The following PCDH15 variants were observed in gnomAD, a reference collection of about 807,000 sequenced individuals.
PCDH15 encodes protocadherin-15.
In PCDH15, 129 loss-of-function variants were observed where a neutral mutation model predicts 178.5. That is an observed-to-expected ratio of 0.72 (90% confidence interval 0.63 to 0.84). The LOEUF is 0.84. Ranked by LOEUF, PCDH15 falls within the 40% of genes least tolerant of loss-of-function variation. The pLI, the probability that PCDH15 is intolerant of heterozygous loss-of-function variation, is 0.00. For missense variants in PCDH15, 2,230 were observed against 2,099.9 expected (o/e 1.06, Z -1.21); for synonymous variants, 800 against 732.0 (o/e 1.09, Z -1.50).
chr10:54,469,281 G>A (rs1181620663), intron 3 of PCDH15, among the ~76,000 whole-genome samples: 7 of 151,964 alleles, frequency 4.6e-5, no homozygotes, highest in Admixed American at 1.3e-4. Flanking sequence ...ATTTTTGATT[G>A]AGACCAGATT....
chr10:55,365,587 G>C (rs375113231), intron 2 of PCDH15, among the ~76,000 whole-genome samples: 3 of 152,038 alleles, frequency 2.0e-5, no homozygotes, highest in African/African-American at 7.2e-5. Flanking sequence ...GAACCCAGTG[G>C]GAGGTGATTG....
chr10:55,428,143 A>G (rs1040671009), intron 2 of PCDH15, among the ~76,000 whole-genome samples: 4 of 151,976 alleles, frequency 2.6e-5, no homozygotes, highest in African/African-American at 7.2e-5. Context: ...GAAGTGTTTG[A>G]CCTAATCAAT....
At chr10:54,175,812 A>G (rs1394878685) in intron 13 of PCDH15, among the ~76,000 whole-genome samples, 1 of 152,188 alleles carries the variant, frequency 6.6e-6, no homozygotes, top group East Asian at 1.9e-4. Context: ...AAATTAGGCT[A>G]TAAAAATAAT....
intron 8 of PCDH15, among the ~76,000 whole-genome samples, chr10:54,251,540 T>C (rs541969972): frequency 6.6e-6 from 1 of 152,334 alleles, no homozygotes; most frequent in Admixed American, 6.5e-5. Flanking sequence ...TACTATAAAA[T>C]CGTAGAGAGT....
At chr10:55,497,100 A>C (rs1368937466) in intron 2 of PCDH15, among the ~76,000 whole-genome samples, 1 of 151,776 alleles carries the variant, frequency 6.6e-6, no homozygotes, top group African/African-American at 2.4e-5. Flanking sequence ...AAATTAAAGG[A>C]GGTAATAAAA....
intron 25 of PCDH15, among the ~76,000 whole-genome samples, chr10:53,904,338 T>C (rs2082525650): frequency 6.6e-6 from 1 of 152,144 alleles, no homozygotes. Flanking sequence ...TTACCTGTGT[T>C]TAATGCCTCC....
chr10:54,174,582 G>A (rs2047233680), intron 13 of PCDH15, among the ~76,000 whole-genome samples: 1 of 151,848 alleles, frequency 6.6e-6, no homozygotes, highest in Admixed American at 6.6e-5. Flanking sequence ...GAAAAAATTG[G>A]TAGGAGGTGG....
At chr10:54,954,169 C>A (rs1481626495) in intron 2 of PCDH15, among the ~76,000 whole-genome samples, 2 of 151,258 alleles carry the variant, frequency 1.3e-5, no homozygotes, top group East Asian at 3.9e-4. Context: ...CATTGAAGCA[C>A]CACATTATCA....
intron 1 of PCDH15, among the ~76,000 whole-genome samples, chr10:55,296,354 G>A (rs911744228): frequency 2.0e-4 from 30 of 152,120 alleles, no homozygotes; most frequent in Middle Eastern, 3.2e-3. Context: ...TTCCAACCCT[G>A]TGATACCATG....
chr10:55,457,649 T>G (rs1434972322), intron 2 of PCDH15, among the ~76,000 whole-genome samples: 1 of 152,014 alleles, frequency 6.6e-6, no homozygotes, highest in Non-Finnish European at 1.5e-5. Flanking sequence ...TAGGATAGGG[T>G]GGATGACCTG....
At chr10:55,011,996 G>C (rs771121329) in intron 2 of PCDH15, among the ~76,000 whole-genome samples, 7 of 152,036 alleles carry the variant, frequency 4.6e-5, no homozygotes, top group Non-Finnish European at 1.0e-4. Flanking sequence ...AACAGGAAGA[G>C]CCAATTAAAA....
intron 1 of PCDH15, among the ~76,000 whole-genome samples, chr10:55,210,587 G>A (rs1840534203): frequency 2.1e-5 from 3 of 141,680 alleles, no homozygotes; most frequent in Non-Finnish European, 4.6e-5. Flanking sequence ...ATTGAATTTG[G>A]CTCTCACGAT....
intron 2 of PCDH15, among the ~76,000 whole-genome samples, chr10:54,543,131 T>G (rs1193631904): frequency 6.6e-6 from 1 of 151,772 alleles, no homozygotes; most frequent in Non-Finnish European, 1.5e-5. Flanking sequence ...AATGGCCCAC[T>G]CCAAGGGAAA....
At chr10:54,301,984 G>GT (rs1235278712) in intron 8 of PCDH15, among the ~76,000 whole-genome samples, 1 of 151,950 alleles carries the variant, frequency 6.6e-6, no homozygotes, top group African/African-American at 2.4e-5. Context: ...GTTGCTGGCT[G>GT]TTTTTTTAGT....
At chr10:55,391,941 T>C (rs1282154419) in intron 2 of PCDH15, among the ~76,000 whole-genome samples, 3 of 152,218 alleles carry the variant, frequency 2.0e-5, no homozygotes, top group Non-Finnish European at 4.4e-5. Context: ...GTAACAGACA[T>C]GCAACTCTTC....
chr10:54,656,959 A>G (rs16906367), intron 2 of PCDH15, among the ~76,000 whole-genome samples: 10,062 of 152,254 alleles, frequency 0.066, 414 homozygotes, highest in East Asian at 0.15. Flanking sequence ...GGTTTTCACA[A>G]CAGCTACACC....
intron 15 of PCDH15, among the ~76,000 whole-genome samples, chr10:54,129,847 T>C (rs1441173431): frequency 6.6e-6 from 1 of 152,144 alleles, no homozygotes; most frequent in Non-Finnish European, 1.5e-5. Flanking sequence ...AATGGATCTG[T>C]GCATTTCAAA....
rs185963425 is a variant in PCDH15, at chr10:54,835,194, T to G, written c.-29+62256A>C. 1.4e-4 allele frequency among the ~76,000 whole-genome samples: 21 copies of G among 152,260 alleles called. No homozygotes were observed. The East Asian group carries it at 4.1e-3, about 29-fold the overall frequency. On this transcript the variant is annotated intron_variant, in intron 3 of 5. Coordinates refer to the PCDH15 transcript ENST00000458638. Reference sequence around the variant, plus strand: ...TAAGAATTTCAAAGAACACCATCAGTAGACTTCAGCAGGAGAAGGAATAGA... The same window carrying G: ...TAAGAATTTCAAAGAACACCATCAGGAGACTTCAGCAGGAGAAGGAATAGA...
At chr10:53,889,940 T>C (rs1173120378) in intron 26 of PCDH15, among the ~76,000 whole-genome samples, 1 of 152,212 alleles carries the variant, frequency 6.6e-6, no homozygotes, top group African/African-American at 2.4e-5. Context: ...AATTTATGGT[T>C]GGAAGTCATA....
Sources: gnomAD v4.1 joint callset for allele counts (sites outside exome capture counted in the v4.1 genomes callset) on GRCh38, gnomAD v4.1.1 for gene constraint, MANE v1.5 for transcripts, NCBI Gene and HGNC (gene_info 2026-07-23, HGNC 2026-07-21) for gene names.